Variants in TBC1D31 observed in about 807,000 individuals in gnomAD.
The protein encoded by TBC1D31 is WD repeat domain 67.
Under a neutral mutation model 132.9 loss-of-function variants are expected in TBC1D31, and 99 were observed. The observed-to-expected ratio is 0.74, with a 90% CI of 0.63 to 0.88. TBC1D31 has a LOEUF of 0.88. TBC1D31 is among the 40% of genes least tolerant of loss of function. The pLI, the probability that TBC1D31 is intolerant of heterozygous loss-of-function variation, is 0.00. For synonymous variants in TBC1D31, 385 were observed against 419.4 expected, an observed-to-expected ratio of 0.92 and a Z score of 1.00; for missense variants, 1,134 against 1,256.6, an observed-to-expected ratio of 0.90 and a Z score of 1.48.
At chr8:123,107,869 G>C (rs932616078) in intron 8 of TBC1D31, among the ~76,000 whole-genome samples, 2 of 152,216 alleles carry the variant, frequency 1.3e-5, no homozygotes, top group Admixed American at 6.5e-5. Context: ...GGAAAGAAAA[G>C]AAGGAACTTT....
chr8:123,157,719 G>GCACACACACA, the TBC1D31 span, among the ~76,000 whole-genome samples: 352 of 148,014 alleles, frequency 2.4e-3, 1 homozygote, highest in African/African-American at 5.0e-3. Context: ...GCGCGCGCGC[G>GCACACACACA]CACACACACA....
chr8:123,140,734 AT>A (rs200936438), intron 17 of TBC1D31, 26 bp from the exon 18 acceptor site: 297 of 1,550,286 alleles, frequency 1.9e-4, no homozygotes, highest in East Asian at 6.8e-4. Flanking sequence ...TAAATTAGTG[AT>A]TTTTTTTTAC....
rs71573666 is a variant in TBC1D31 at position 123,092,808 on chromosome 8, A to ATTTTTTTTTTTTT, written c.520-774_520-762dup. Among the ~76,000 whole-genome samples, 193 of 103,490 alleles carry ATTTTTTTTTTTTT rather than the reference A, an allele frequency of 1.9e-3. 10 individuals are homozygous for ATTTTTTTTTTTTT. Among genetic ancestry groups the ATTTTTTTTTTTTT allele is most frequent in the African/African-American group, 4.2e-3 (103 of 24,312 alleles). 67.9% of individuals were successfully genotyped at this position (103,490 alleles called of 152,430 possible). A position where few individuals can be genotyped will look rare whatever the true frequency, so the allele number is the denominator to read the frequency against. The stretch of plus-strand genomic sequence containing the variant: ...GGGACTACAGGCACACACCCGGCTA[A>ATTTTTTTTTTTTT]TTTTTTTTTTTTTTTTTTTTTGAGA... On this transcript the variant is annotated intron_variant, in intron 4 of 21. Transcript: ENST00000287380.
intron 7 of TBC1D31, among the ~76,000 whole-genome samples, chr8:123,101,708 C>T (rs1234354082): frequency 1.3e-5 from 2 of 152,240 alleles, no homozygotes; most frequent in East Asian, 3.9e-4. Flanking sequence ...CCACCACGCC[C>T]AGCCCAACTT....
intron 10 of TBC1D31, among the ~76,000 whole-genome samples, chr8:123,114,938 T>G (rs539849955): frequency 6.6e-6 from 1 of 152,344 alleles, no homozygotes; most frequent in East Asian, 1.9e-4. Flanking sequence ...ATATGTAGGT[T>G]TACTTCTTTC....
chr8:123,114,267 G>C (rs2130612379), intron 10 of TBC1D31, among the ~76,000 whole-genome samples: 1 of 152,148 alleles, frequency 6.6e-6, no homozygotes, highest in Admixed American at 6.5e-5. Flanking sequence ...ATATATGTTT[G>C]GAATTTTTTG....
At chr8:123,091,437 C>A (rs1233040682) in intron 4 of TBC1D31, among the ~76,000 whole-genome samples, 1 of 152,058 alleles carries the variant, frequency 6.6e-6, no homozygotes, top group Non-Finnish European at 1.5e-5. Flanking sequence ...TGTTCTAATG[C>A]GTTCATTATA....
Position 123,090,224 on chromosome 8 carries a change from G to A in TBC1D31, c.520-3367G>A, listed in dbSNP as rs182440194. Among the ~76,000 whole-genome samples the A allele has an allele frequency of 2.9e-3, 449 of 152,272 alleles. 2 individuals carry two copies. The highest frequency in any genetic ancestry group is 9.2e-3 in the African/African-American group (382 of 41,550). On this transcript the variant is annotated intron_variant, in intron 4 of 21. Coordinates refer to ENST00000287380, the MANE Select transcript of TBC1D31 (RefSeq NM_145647.4). ...TCCCCATTTTACAAGAAGGGAAACCGAAGTTCAGAAATATTAAGTACTTTG... is the reference window on the plus strand; with the variant it reads ...TCCCCATTTTACAAGAAGGGAAACCAAAGTTCAGAAATATTAAGTACTTTG...
chr8:123,159,792 C>CA, the TBC1D31 span, among the ~76,000 whole-genome samples: 132 of 145,030 alleles, frequency 9.1e-4, 1 homozygote, highest in Non-Finnish European at 1.5e-3. Flanking sequence ...AACTCCGTCT[C>CA]AAAAAAAAAA....
chr8:123,084,413 A>T, intron 4 of TBC1D31, 73 bp downstream of exon 4: 3 of 1,369,866 alleles, frequency 2.2e-6, no homozygotes, highest in Non-Finnish European at 3.0e-6. Context: ...TGTATAGATG[A>T]TATAAGAGTA....
chr8:123,112,483 G>A (rs1198136883), intron 10 of TBC1D31, among the ~76,000 whole-genome samples: 1 of 152,044 alleles, frequency 6.6e-6, no homozygotes, highest in Non-Finnish European at 1.5e-5. Flanking sequence ...GTAAATGGTT[G>A]TATACTATTA....
chr8:123,099,702 G>A (rs893458852), intron 6 of TBC1D31, among the ~76,000 whole-genome samples: 3 of 152,182 alleles, frequency 2.0e-5, no homozygotes, highest in African/African-American at 7.2e-5. Context: ...GATAGCCAGT[G>A]TGGAGGCAAA....
In TBC1D31 at chr8:123,142,430, G is replaced by A; in HGVS notation, c.2809G>A (p.Ala937Thr). 1.9e-6 allele frequency: 3 copies of A among 1,591,876 alleles called. No individual in the cohort carries two copies. The highest frequency in any genetic ancestry group is 2.6e-6 in the Non-Finnish European group (3 of 1,171,142). The change falls in exon 19 of 22, where the codon GCA becomes ACA. Residue 937 changes from alanine (A) to threonine (T), a missense_variant. By Grantham distance (58) the Ala-to-Thr change is moderately conservative. Coordinates refer to ENST00000287380, the MANE Select transcript of TBC1D31 (RefSeq NM_145647.4). ...NRRKEIEIIN[A>T]MVEEEAKKWK... is the part of the protein sequence containing the mutation. ...AAGGAAAGAAATAGAGATAATAAAT[G>A]CAATGGTGGAGGAGGAAGCCAAGAA...
chr8:123,150,046 G>A lies in TBC1D31; in HGVS notation c.2985G>A (p.Arg995=). 1 of 1,613,630 alleles carries A rather than the reference G, an allele frequency of 6.2e-7. No individual in the cohort carries two copies. Among genetic ancestry groups the A allele is most frequent in the Non-Finnish European group, 8.5e-7 (1 of 1,179,696 alleles). Residue 995 remains arginine (R), a synonymous_variant, in exon 21 of 22, where the codon AGG becomes AGA. Transcript: ENST00000287380. ...TCACTTTTATAACAGAAGAACCCAGGTTCCAAAATGAACAGGACTCAAGCT... is the reference window on the plus strand; with the variant it reads ...TCACTTTTATAACAGAAGAACCCAGATTCCAAAATGAACAGGACTCAAGCT... ...AENPCHKEEP[R]FQNEQDSSCL...
At chr8:123,137,670 A>G (rs766235544) in intron 17 of TBC1D31, among the ~76,000 whole-genome samples, 2 of 152,204 alleles carry the variant, frequency 1.3e-5, no homozygotes, top group Non-Finnish European at 2.9e-5. Flanking sequence ...GACTTTAGTT[A>G]CTTTCTCTAC....
chr8:123,118,322 T>G (rs1435404842), intron 10 of TBC1D31, among the ~76,000 whole-genome samples: 1 of 152,182 alleles, frequency 6.6e-6, no homozygotes, highest in East Asian at 1.9e-4. Flanking sequence ...CTGTTAACAT[T>G]AGGGGAATTT....
chr8:123,143,172 C>G (rs150769152), intron 19 of TBC1D31, among the ~76,000 whole-genome samples: 26 of 152,250 alleles, frequency 1.7e-4, no homozygotes, highest in Non-Finnish European at 2.6e-4. Flanking sequence ...AGCACAAGTG[C>G]GAATGTTCTG....
chr8:123,073,112 C>G, intron 1 of TBC1D31: 1 of 552,774 alleles, frequency 1.8e-6, no homozygotes, highest in Non-Finnish European at 3.3e-6. Flanking sequence ...GCGGCTTTTG[C>G]TGTGTACCGG....
At chr8:123,133,970 T>C (rs960229013) in intron 16 of TBC1D31, 144 bp from the exon 17 acceptor site, 1 of 539,472 alleles carries the variant, frequency 1.9e-6, no homozygotes, top group Non-Finnish European at 3.3e-6. Context: ...ATATTAATCT[T>C]TGTCTGTTAC....
Sources: allele counts gnomAD v4.1 joint callset (sites outside exome capture counted in the v4.1 genomes callset), GRCh38; gene constraint gnomAD v4.1.1; transcripts MANE v1.5; gene names NCBI Gene and HGNC (gene_info 2026-07-23, HGNC 2026-07-21).